PPM1A: variants seen among roughly 807,000 people sequenced by gnomAD.
PPM1A encodes the protein protein phosphatase, Mg2+/Mn2+ dependent 1A.
In PPM1A, 7 loss-of-function variants were observed where a neutral mutation model predicts 35.0. The ratio of observed to expected loss-of-function variants is 0.20; its 90% CI spans 0.11 to 0.38. The LOEUF is 0.38. Among genes scored for constraint, PPM1A ranks in the 10% least tolerant of loss-of-function variants. The pLI is 1.00. For synonymous variants in PPM1A, 153 were observed against 167.3 expected, an observed-to-expected ratio of 0.91 and a Z score of 0.66; for missense variants, 239 against 467.8, an observed-to-expected ratio of 0.51 and a Z score of 4.51.
chr14:60,267,202 T>G (rs1358613438), intron 1 of PPM1A: 1 of 152,152 alleles, frequency 6.6e-6, no homozygotes, highest in Admixed American at 6.5e-5. Context: ...TTCTACACAT[T>G]GCTGAGTTAC....
chr14:60,268,127 T>C (rs1884612431), intron 1 of PPM1A, among the ~76,000 whole-genome samples: 1 of 152,138 alleles, frequency 6.6e-6, no homozygotes, highest in Non-Finnish European at 1.5e-5. Flanking sequence ...TCCTTCACCC[T>C]TTGCCTTCAT....
intron 1 of PPM1A, among the ~76,000 whole-genome samples, chr14:60,252,521 C>T (rs902641403): frequency 3.9e-5 from 6 of 152,086 alleles, no homozygotes; most frequent in African/African-American, 1.4e-4. Flanking sequence ...AATATATAAA[C>T]CTTGGAGAAG....
Position 60,289,126 on chromosome 14 carries a change from T to TAAA in PPM1A, c.953-679_953-677dup. 6.6e-6 allele frequency among the ~76,000 whole-genome samples: 1 copy of TAAA among 152,144 alleles called. No individual in the cohort carries two copies. ...ATGGTTTATCAAATGGTTCTCTTTTTAAACATTTTATAAGGAAATTTAGAC... is the reference window on the plus strand; with the variant it reads ...ATGGTTTATCAAATGGTTCTCTTTTTAAAAAACATTTTATAAGGAAATTTAGAC... On this transcript the variant is annotated intron_variant, in intron 3 of 5. Coordinates refer to ENST00000395076, the MANE Select transcript of PPM1A (RefSeq NM_021003.5). The surrounding 1 kb of genome is among the most constrained non-coding windows in gnomAD (Gnocchi z 4.1).
chr14:60,260,659 C>G (rs986287509), intron 1 of PPM1A, among the ~76,000 whole-genome samples: 2 of 152,098 alleles, frequency 1.3e-5, no homozygotes, highest in African/African-American at 2.4e-5. Flanking sequence ...CCAAAAGATA[C>G]CCTGTACTCA....
At chr14:60,260,003 G>A (rs924914035) in intron 1 of PPM1A, among the ~76,000 whole-genome samples, 1 of 152,102 alleles carries the variant, frequency 6.6e-6, no homozygotes, top group African/African-American at 2.4e-5. Flanking sequence ...AACATCAAAA[G>A]TGGCAAGGTG....
intron 3 of PPM1A, chr14:60,288,056 A>C (rs937921075): frequency 2.0e-6 from 2 of 980,714 alleles, no homozygotes; most frequent in African/African-American, 3.5e-5. Flanking sequence ...AATATTTCTT[A>C]AAATTCATTT....
intron 2 of PPM1A, 85 bp from the exon 3 acceptor site, chr14:60,285,539 C>A: frequency 1.5e-6 from 2 of 1,351,700 alleles, no homozygotes; most frequent in Non-Finnish European, 2.1e-6. Context: ...ACAAGTATAA[C>A]TGTAATTGGC....
chr14:60,284,720 T>C (rs868766050), intron 2 of PPM1A, among the ~76,000 whole-genome samples: 18 of 122,324 alleles, frequency 1.5e-4, no homozygotes, highest in African/African-American at 2.6e-4. Flanking sequence ...TATATATATA[T>C]ACATATATAT....
chr14:60,274,244 G>A (rs1363388470), intron 1 of PPM1A, among the ~76,000 whole-genome samples: 2 of 152,292 alleles, frequency 1.3e-5, no homozygotes, highest in Admixed American at 6.5e-5. Flanking sequence ...ATAGTTGAAT[G>A]CTTCTGTGAG....
At chr14:60,250,802 G>T (rs1882314033) in intron 1 of PPM1A, among the ~76,000 whole-genome samples, 1 of 152,190 alleles carries the variant, frequency 6.6e-6, no homozygotes, top group Admixed American at 6.5e-5. Flanking sequence ...AAAGTGGAGG[G>T]ATTTGTTGAA....
At chr14:60,254,357 T>G (rs1379123324) in intron 1 of PPM1A, among the ~76,000 whole-genome samples, 17 of 152,162 alleles carry the variant, frequency 1.1e-4, no homozygotes, top group Admixed American at 1.1e-3. Context: ...TTGGAGTTAA[T>G]GATTAGGTGG....
rs1882018660 is a variant in PPM1A at position 60,249,262 on chromosome 14, C to G, written c.-436C>G. The stretch of plus-strand genomic sequence containing the variant: ...GCGGTGGCGGCGCTAGGGACGGGAG[C>G]GCGCGCGGGAGCTAGAGAGCAGTGG... On this transcript the variant is annotated 5_prime_UTR_variant, in exon 1 of 6. Coordinates refer to ENST00000395076, the MANE Select transcript of PPM1A (RefSeq NM_021003.5). The surrounding 1 kb of genome is among the most constrained non-coding windows in gnomAD (Gnocchi z 4.5). The G allele has an allele frequency of 2.0e-6, 2 of 982,884 alleles. No homozygotes were observed. Among genetic ancestry groups the G allele is most frequent in the Non-Finnish European group, 2.4e-6 (2 of 830,244 alleles). The allele number at this position is 982,884 out of a possible 1,614,324, so 60.9% of individuals were successfully genotyped here.
Position 60,293,903 on chromosome 14 carries a change from T to TA in PPM1A, c.*1425dup, listed in dbSNP as rs1190045736. On this transcript the variant is annotated 3_prime_UTR_variant, in exon 6 of 6. Coordinates refer to ENST00000395076, the MANE Select transcript of PPM1A (RefSeq NM_021003.5). The surrounding 1 kb of genome is among the most constrained non-coding windows in gnomAD (Gnocchi z 4.0). ...TGATTAAGCATGTGAAAGTAAGTTT[T>TA]AAAATCTGTCGCATTGAAAAGATTA... The TA allele has an allele frequency of 6.6e-6, 1 of 151,984 alleles. No individual in the cohort carries two copies. The highest frequency in any genetic ancestry group is 1.5e-5 in the Non-Finnish European group (1 of 67,888). 9.4% of individuals were successfully genotyped at this position (151,984 alleles called of 1,614,324 possible).
At chr14:60,271,848 C>G (rs991955355) in intron 1 of PPM1A, among the ~76,000 whole-genome samples, 3 of 151,810 alleles carry the variant, frequency 2.0e-5, no homozygotes, top group African/African-American at 7.3e-5. Flanking sequence ...TGATATTTAC[C>G]TAGGTATTCC....
chr14:60,275,221 A>G (rs185470726), intron 1 of PPM1A, among the ~76,000 whole-genome samples: 234 of 151,480 alleles, frequency 1.5e-3, no homozygotes, highest in African/African-American at 5.4e-3. Context: ...TTGTCTTTAA[A>G]AAGCCTACAC....
intron 1 of PPM1A, chr14:60,276,997 T>C: frequency 9.0e-7 from 1 of 1,108,608 alleles, no homozygotes; most frequent in Non-Finnish European, 1.1e-6. Flanking sequence ...TCTTGTTTTT[T>C]GTCATAGTAC....
intron 1 of PPM1A, among the ~76,000 whole-genome samples, chr14:60,264,322 G>A (rs1018639): frequency 0.35 from 53,417 of 151,516 alleles, 10,104 homozygotes; most frequent in African/African-American, 0.5. Flanking sequence ...GCTTCTGTAT[G>A]TAATTTTTTT....
In PPM1A at chr14:60,292,584, A is replaced by T; in HGVS notation, c.*102A>T. The T allele has an allele frequency of 1.0e-6, 1 of 997,488 alleles. No homozygotes were observed. Among genetic ancestry groups the T allele is most frequent in the Admixed American group, 1.9e-5 (1 of 51,812 alleles). The allele number at this position is 997,488 out of a possible 1,614,324, so 61.8% of individuals were successfully genotyped here. A position where few individuals can be genotyped will look rare whatever the true frequency, so the allele number is the denominator to read the frequency against. On this transcript the variant is annotated 3_prime_UTR_variant, in exon 6 of 6. Transcript: ENST00000395076. The surrounding 1 kb of genome is among the most constrained non-coding windows in gnomAD (Gnocchi z 4.2). ...TCCATCCTCAACTTTAAGGAAGGGG[A>T]TATGACATGGGTGAGAATGATTACA...
In PPM1A at chr14:60,294,407, T is replaced by A. The variant is rs1472102998; in HGVS notation, c.*1925T>A. On this transcript the variant is annotated 3_prime_UTR_variant, in exon 6 of 6. Coordinates refer to ENST00000395076, the MANE Select transcript of PPM1A (RefSeq NM_021003.5). ...CCATACTTACAATAAATACTTAATG[T>A]CTAAATCTGTGGTAGAGTGCGAAGT... 6.6e-6 allele frequency: 1 copy of A among 151,922 alleles called. No homozygotes were observed. The highest frequency in any genetic ancestry group is 1.5e-5 in the Non-Finnish European group (1 of 67,864). The allele number at this position is 151,922 out of a possible 1,614,324, so 9.4% of individuals were successfully genotyped here. A position where few individuals can be genotyped will look rare whatever the true frequency, so the allele number is the denominator to read the frequency against.
Sources: gnomAD v4.1 joint callset for allele counts (sites outside exome capture counted in the v4.1 genomes callset) on GRCh38, gnomAD v4.1.1 for gene constraint, Gnocchi (gnomAD v3.1) non-coding constraint, MANE v1.5 for transcripts, NCBI Gene and HGNC (gene_info 2026-07-23, HGNC 2026-07-21) for gene names.